LRRC53: variants seen among roughly 807,000 people sequenced by gnomAD.
The protein encoded by LRRC53 is leucine-rich repeat-containing protein 53.
LRRC53 carries 25 observed loss-of-function variants against 13.6 expected under a neutral mutation model. The ratio of observed to expected loss-of-function variants is 1.83; its 90% CI spans 1.34 to 2.56. The LOEUF (loss-of-function observed/expected upper bound fraction) is 2.56. Among genes scored for constraint, LRRC53 ranks in the 30% most tolerant of loss-of-function variants. The pLI is 0.00. For synonymous variants in LRRC53, 204 were observed against 109.8 expected, an observed-to-expected ratio of 1.86 and a Z score of -5.37; for missense variants, 527 against 275.8, an observed-to-expected ratio of 1.91 and a Z score of -6.45.
the LRRC53 span, among the ~76,000 whole-genome samples, chr1:74,535,107 G>T: frequency 1.3e-5 from 2 of 152,130 alleles, no homozygotes. Flanking sequence ...CTGCCTAAAT[G>T]AGGACTGTGT....
chr1:74,475,717 C>A lies in LRRC53; in HGVS notation c.998G>T (p.Cys333Phe), dbSNP rs1387529551. ...ACACAGGGGTTCATCGAAGGTTCTG[C>A]AACAAAGGTTTTCTGATGTGTGTTC... Reference protein sequence around the residue: ...ANEHTSENLCCRTFDEPLCAH... With the variant: ...ANEHTSENLCFRTFDEPLCAH... Residue 333 changes from cysteine (C) to phenylalanine (F), a missense_variant, in exon 4 of 5, where the codon TGC becomes TTC. Physicochemically the swap from Cys to Phe is radical, Grantham distance 205. Transcript: ENST00000294635. The A allele has an allele frequency of 2.9e-6, 2 of 696,148 alleles. No homozygotes were observed. The highest frequency in any genetic ancestry group is 5.3e-6 in the Non-Finnish European group (2 of 374,888). 43.1% of individuals were successfully genotyped at this position (696,148 alleles called of 1,614,324 possible).
At chr1:74,492,033 T>G (rs1669103890) in intron 1 of LRRC53, 1 of 1,382,488 alleles carries the variant, frequency 7.2e-7, no homozygotes, top group Non-Finnish European at 9.5e-7. Context: ...AATCCATATT[T>G]TATGTTATGT....
upstream of LRRC53, among the ~76,000 whole-genome samples, chr1:74,513,899 A>G (rs1010251085): frequency 1.3e-5 from 2 of 152,214 alleles, no homozygotes; most frequent in Non-Finnish European, 2.9e-5. Flanking sequence ...TGCAAAGCTC[A>G]GATGCATCTG....
At chr1:74,510,997 C>T (rs1042651418) in intron 1 of LRRC53, among the ~76,000 whole-genome samples, 2 of 152,058 alleles carry the variant, frequency 1.3e-5, no homozygotes, top group South Asian at 4.1e-4. Flanking sequence ...AAGTGATTCT[C>T]CTGCCTCAGC....
At chr1:74,508,289 T>C (rs1670008837) in intron 1 of LRRC53, among the ~76,000 whole-genome samples, 1 of 152,214 alleles carries the variant, frequency 6.6e-6, no homozygotes, top group Non-Finnish European at 1.5e-5. Flanking sequence ...AAAATAGTAA[T>C]AATAATAGCC....
At chr1:74,482,553 CAG>C (rs1359049240) in intron 2 of LRRC53, among the ~76,000 whole-genome samples, 1 of 152,188 alleles carries the variant, frequency 6.6e-6, no homozygotes, top group African/African-American at 2.4e-5. Context: ...TCCTAATTAT[CAG>C]AGTCGTGGGA....
At chr1:74,504,630 G>T (rs996967940) in intron 1 of LRRC53, among the ~76,000 whole-genome samples, 15 of 151,738 alleles carry the variant, frequency 9.9e-5, no homozygotes, top group Non-Finnish European at 2.1e-4. Context: ...GTGTAAAATT[G>T]ACACCTTTAA....
intron 2 of LRRC53, among the ~76,000 whole-genome samples, chr1:74,482,386 T>G (rs1389301651): frequency 6.6e-6 from 1 of 152,204 alleles, no homozygotes; most frequent in East Asian, 1.9e-4. Context: ...ATCAACTGTC[T>G]CTGATCAGGA....
chr1:74,480,228 T>A lies in LRRC53; in HGVS notation c.829A>T (p.Thr277Ser). Reference sequence around the variant, plus strand: ...GGACTTCTGTCCTTTAGAACCAGAGTGAAGTTGGGAGCTTTGGAATCACAG... The same window carrying A: ...GGACTTCTGTCCTTTAGAACCAGAGAGAAGTTGGGAGCTTTGGAATCACAG... ...TNCDSKAPNFTLVLKDRSPLL... is the reference protein window; with the variant it reads ...TNCDSKAPNFSLVLKDRSPLL... Residue 277 changes from threonine to serine, a missense_variant, in exon 3 of 5, where the codon ACT (threonine) becomes TCT (serine). Physicochemically the swap from Thr to Ser is moderately conservative, Grantham distance 58. Coordinates refer to ENST00000294635, the MANE Select transcript of LRRC53 (RefSeq NM_001382280.1). 2 of 717,190 alleles carry A rather than the reference T, an allele frequency of 2.8e-6. No individual in the cohort carries two copies. The highest frequency in any genetic ancestry group is 5.2e-6 in the Non-Finnish European group (2 of 385,038). The allele number at this position is 717,190 out of a possible 1,614,324, so 44.4% of individuals were successfully genotyped here.
At chr1:74,503,829 T>A (rs1183499238) in intron 1 of LRRC53, among the ~76,000 whole-genome samples, 1 of 152,172 alleles carries the variant, frequency 6.6e-6, no homozygotes, top group Non-Finnish European at 1.5e-5. Context: ...AATCTCCTAA[T>A]GTTGTGGTGG....
At chr1:74,514,273 T>C (rs1646315232), upstream of LRRC53, among the ~76,000 whole-genome samples, 1 of 152,182 alleles carries the variant, frequency 6.6e-6, no homozygotes, top group Admixed American at 6.5e-5. Flanking sequence ...TTTAAAGCGT[T>C]TTCACACAAT....
At chr1:74,503,262 A>G (rs1009885698) in intron 1 of LRRC53, among the ~76,000 whole-genome samples, 1 of 152,222 alleles carries the variant, frequency 6.6e-6, no homozygotes, top group Non-Finnish European at 1.5e-5. Context: ...GGGAATCAGC[A>G]TCTTTTAGCT....
intron 1 of LRRC53, among the ~76,000 whole-genome samples, chr1:74,490,781 AT>A (rs1669031446): frequency 6.6e-6 from 1 of 152,248 alleles, no homozygotes; most frequent in Non-Finnish European, 1.5e-5. Flanking sequence ...GACAGAAAGT[AT>A]TTGAAAGCAG....
chr1:74,486,507 C>CTTTTTGCTT (rs1557599715), intron 1 of LRRC53, among the ~76,000 whole-genome samples: 3 of 137,098 alleles, frequency 2.2e-5, no homozygotes, highest in African/African-American at 8.1e-5. Context: ...TTGTTTTTTG[C>CTTTTTGCTT]TTTTTTTTTT....
intron 1 of LRRC53, among the ~76,000 whole-genome samples, chr1:74,489,695 A>G (rs1668953664): frequency 1.3e-5 from 2 of 152,172 alleles, no homozygotes; most frequent in South Asian, 2.1e-4. Context: ...CACACCACAT[A>G]TATGTTGCTT....
chr1:74,516,202 C>T (rs1452300800), upstream of LRRC53, among the ~76,000 whole-genome samples: 1 of 152,124 alleles, frequency 6.6e-6, no homozygotes, highest in Non-Finnish European at 1.5e-5. Context: ...TCTGAAATTT[C>T]CCATTAGCCA....
At chr1:74,505,598 C>A (rs1003069994) in intron 1 of LRRC53, among the ~76,000 whole-genome samples, 1 of 152,024 alleles carries the variant, frequency 6.6e-6, no homozygotes, top group African/African-American at 2.4e-5. Flanking sequence ...TGGACTATAT[C>A]TAAACCTCAT....
the LRRC53 span, among the ~76,000 whole-genome samples, chr1:74,526,283 A>G: frequency 2.0e-5 from 3 of 152,100 alleles, no homozygotes; most frequent in African/African-American, 7.3e-5. Flanking sequence ...ACTTTCCTCA[A>G]TCCAAAAGGG....
chr1:74,518,965 C>T, the LRRC53 span, among the ~76,000 whole-genome samples: 3 of 102,524 alleles, frequency 2.9e-5, no homozygotes, highest in Non-Finnish European at 5.1e-5. Flanking sequence ...ATGTGCCATG[C>T]TGGTGCGCTG....
Sources: allele counts gnomAD v4.1 joint callset (sites outside exome capture counted in the v4.1 genomes callset), GRCh38; gene constraint gnomAD v4.1.1; transcripts MANE v1.5; gene names NCBI Gene and HGNC (gene_info 2026-07-23, HGNC 2026-07-21).